Variants in DLG2 observed in about 807,000 individuals in gnomAD.
DLG2 encodes discs large MAGUK scaffold protein 2.
DLG2 carries 45 observed loss-of-function variants against 132.5 expected under a neutral mutation model. That is an observed-to-expected ratio of 0.34 (90% CI 0.27 to 0.44). The LOEUF is 0.44. Ranked by LOEUF, DLG2 falls within the 20% of genes least tolerant of loss-of-function variation. DLG2 has a pLI of 1.00. For missense variants in DLG2, 1,045 were observed against 1,196.9 expected (o/e 0.87, Z 1.87); for synonymous variants, 424 against 419.6 (o/e 1.01, Z -0.13).
At chr11:84,625,161 G>A (rs1194463102) in intron 6 of DLG2, among the ~76,000 whole-genome samples, 2 of 151,932 alleles carry the variant, frequency 1.3e-5, no homozygotes, top group African/African-American at 2.4e-5. Flanking sequence ...CGCCCGGCCC[G>A]AGAGTCAACC....
At chr11:84,790,485 A>G (rs1248451852) in intron 6 of DLG2, among the ~76,000 whole-genome samples, 1 of 152,130 alleles carries the variant, frequency 6.6e-6, no homozygotes, top group Non-Finnish European at 1.5e-5. Flanking sequence ...CAGGTTATTA[A>G]TATCTTGTTA....
chr11:85,032,308 T>C (rs141497523), intron 6 of DLG2, among the ~76,000 whole-genome samples: 98 of 152,334 alleles, frequency 6.4e-4, no homozygotes, highest in African/African-American at 2.3e-3. Flanking sequence ...TTCCATGTTT[T>C]ATGAAGTTGA....
intron 6 of DLG2, among the ~76,000 whole-genome samples, chr11:84,936,272 T>A (rs1024911277): frequency 8.5e-5 from 13 of 152,210 alleles, no homozygotes; most frequent in Admixed American, 3.3e-4. Flanking sequence ...TAATGAGTTT[T>A]ATGAGGATTA....
intron 7 of DLG2, among the ~76,000 whole-genome samples, chr11:84,368,654 A>G (rs193269980): frequency 4.6e-5 from 7 of 152,222 alleles, no homozygotes; most frequent in African/African-American, 1.4e-4. Flanking sequence ...ACACTAAGTG[A>G]GTTATTTATC....
At chr11:85,434,055 A>C (rs1049961145) in intron 3 of DLG2, among the ~76,000 whole-genome samples, 2 of 152,216 alleles carry the variant, frequency 1.3e-5, no homozygotes, top group African/African-American at 4.8e-5. Flanking sequence ...AAATTGAATA[A>C]CCTGCTCCTG....
chr11:84,933,234 T>C (rs1204701788), intron 6 of DLG2, among the ~76,000 whole-genome samples: 2 of 152,186 alleles, frequency 1.3e-5, no homozygotes, highest in Admixed American at 1.3e-4. Flanking sequence ...TGTATGTCTG[T>C]TTTGTACCAG....
chr11:85,476,219 A>G (rs192621534), intron 3 of DLG2, among the ~76,000 whole-genome samples: 133 of 152,214 alleles, frequency 8.7e-4, no homozygotes, highest in African/African-American at 3.1e-3. Context: ...CTAAACATAG[A>G]AAAGGAAAAG....
chr11:84,205,651 A>T (rs7941004), intron 8 of DLG2, among the ~76,000 whole-genome samples: 117,063 of 151,970 alleles, frequency 0.77, 47,311 homozygotes, highest in Middle Eastern at 0.93. Context: ...GATTTGCAGC[A>T]TAATAAAAGC....
At chr11:84,573,893 C>T (rs926770007) in intron 6 of DLG2, among the ~76,000 whole-genome samples, 2 of 152,162 alleles carry the variant, frequency 1.3e-5, no homozygotes, top group Non-Finnish European at 2.9e-5. Context: ...TTATGAATAA[C>T]TGAGAAGAAC....
chr11:84,348,347 A>C (rs2098548077), intron 7 of DLG2, among the ~76,000 whole-genome samples: 2 of 152,186 alleles, frequency 1.3e-5, no homozygotes, highest in African/African-American at 4.8e-5. Flanking sequence ...GAAATGATAG[A>C]ATTCAAATTT....
chr11:83,594,475 A>AC (rs2097251403), intron 19 of DLG2, among the ~76,000 whole-genome samples: 1 of 152,212 alleles, frequency 6.6e-6, no homozygotes, highest in African/African-American at 2.4e-5. Flanking sequence ...GACATTTCAG[A>AC]TGCATGATCT....
chr11:84,359,749 G>A (rs567172890), intron 7 of DLG2, among the ~76,000 whole-genome samples: 1 of 151,036 alleles, frequency 6.6e-6, no homozygotes, highest in Non-Finnish European at 1.5e-5. Flanking sequence ...TTCTTCTTAA[G>A]CATATTAGAG....
chr11:85,138,115 A>G (rs1164472481), intron 5 of DLG2, among the ~76,000 whole-genome samples: 1 of 152,146 alleles, frequency 6.6e-6, no homozygotes, highest in East Asian at 1.9e-4. Flanking sequence ...GTTTTAACCC[A>G]TCTTTTAATC....
intron 11 of DLG2, among the ~76,000 whole-genome samples, chr11:84,001,633 C>T (rs548516003): frequency 6.6e-6 from 1 of 152,178 alleles, no homozygotes; most frequent in Admixed American, 6.5e-5. Flanking sequence ...CACATGACTG[C>T]AGAATACATT....
chr11:84,029,015 T>G (rs2095618538), intron 11 of DLG2, among the ~76,000 whole-genome samples: 1 of 152,140 alleles, frequency 6.6e-6, no homozygotes, highest in Non-Finnish European at 1.5e-5. Flanking sequence ...ACAAATCAAC[T>G]TTAAACAATT....
intron 6 of DLG2, among the ~76,000 whole-genome samples, chr11:84,642,720 C>T (rs2099669260): frequency 6.6e-6 from 1 of 152,122 alleles, no homozygotes; most frequent in African/African-American, 2.4e-5. Flanking sequence ...ACAGTTTTAC[C>T]TCCTAGCTGG....
chr11:84,358,368 T>C (rs1245654737), intron 7 of DLG2, among the ~76,000 whole-genome samples: 1 of 151,324 alleles, frequency 6.6e-6, no homozygotes, highest in African/African-American at 2.4e-5. Context: ...CCAGTATTTT[T>C]TTTTTTTTTT....
intron 7 of DLG2, among the ~76,000 whole-genome samples, chr11:84,477,586 T>G (rs1210338273): frequency 1.3e-5 from 2 of 152,082 alleles, no homozygotes; most frequent in Admixed American, 6.6e-5. Context: ...TGCAAATAAC[T>G]CAGAGTAAAG....
chr11:83,467,418 C>G (rs1215625496), intron 25 of DLG2, among the ~76,000 whole-genome samples: 2 of 152,072 alleles, frequency 1.3e-5, no homozygotes, highest in Non-Finnish European at 2.9e-5. Flanking sequence ...GCAAGGTACT[C>G]AGTCTAGTGG....
Sources: allele counts gnomAD v4.1 joint callset (sites outside exome capture counted in the v4.1 genomes callset), GRCh38; gene constraint gnomAD v4.1.1; transcripts MANE v1.5; gene names NCBI Gene and HGNC (gene_info 2026-07-23, HGNC 2026-07-21).